RPGRIP1: variants seen among roughly 807,000 people sequenced by gnomAD.
The protein encoded by RPGRIP1 is RPGR interacting protein 1.
In RPGRIP1, 128 loss-of-function variants were observed where a neutral mutation model predicts 157.9. The ratio of observed to expected loss-of-function variants is 0.81; its 90% CI spans 0.70 to 0.94. The LOEUF is 0.94. Among genes scored for constraint, RPGRIP1 ranks in the 40% least tolerant of loss-of-function variants. The pLI is 0.00. For missense variants in RPGRIP1, 1,486 were observed against 1,545.8 expected (o/e 0.96, Z 0.65); for synonymous variants, 554 against 571.6 (o/e 0.97, Z 0.44).
chr14:21,314,848 A>G (rs907275050), intron 10 of RPGRIP1, among the ~76,000 whole-genome samples: 1 of 151,834 alleles, frequency 6.6e-6, no homozygotes, highest in Admixed American at 6.6e-5. Flanking sequence ...ATTGCAAAAC[A>G]CTGTCTCTAC....
intron 1 of RPGRIP1, among the ~76,000 whole-genome samples, chr14:21,284,638 G>A (rs558401682): frequency 2.8e-5 from 4 of 144,162 alleles, no homozygotes; most frequent in African/African-American, 1.0e-4. Flanking sequence ...TCCGCCTCCC[G>A]GGTTCAAACT....
intron 7 of RPGRIP1, among the ~76,000 whole-genome samples, chr14:21,308,232 T>C (rs1305908686): frequency 6.6e-6 from 1 of 152,218 alleles, no homozygotes; most frequent in African/African-American, 2.4e-5. Context: ...CTGTCCCAGA[T>C]ATTTACAGTC....
At chr14:21,334,077 C>T (rs141561944) in intron 20 of RPGRIP1, among the ~76,000 whole-genome samples, 1 of 152,066 alleles carries the variant, frequency 6.6e-6, no homozygotes, top group Non-Finnish European at 1.5e-5. Flanking sequence ...AGTGTGCCAC[C>T]AAGCCAGGCT....
At chr14:21,305,947 A>T (rs1881280827) in intron 6 of RPGRIP1, among the ~76,000 whole-genome samples, 4 of 152,004 alleles carry the variant, frequency 2.6e-5, no homozygotes, top group Admixed American at 2.6e-4. Context: ...TTTGGGGGGT[A>T]GAATTCAGGC....
At position 21,310,582 on chromosome 14, in the gene RPGRIP1, A is replaced by G. The variant is rs766243294; in HGVS notation, c.907-2A>G. ...AAAATAATAATAATTTCTTTCTTCCAGGCATACGAAACCTTGCTCCAGAAG... is the reference window on the plus strand; with the variant it reads ...AAAATAATAATAATTTCTTTCTTCCGGGCATACGAAACCTTGCTCCAGAAG... On this transcript the variant is annotated splice_acceptor_variant, in intron 7 of 24. Transcript: ENST00000400017. LOFTEE classifies it high-confidence loss of function. The G allele has an allele frequency of 1.4e-6, 2 of 1,406,854 alleles. No individual in the cohort carries two copies. Among genetic ancestry groups the G allele is most frequent in the South Asian group, 2.8e-5 (2 of 72,164 alleles). 87.1% of individuals were successfully genotyped at this position (1,406,854 alleles called of 1,614,324 possible). A position where few individuals can be genotyped will look rare whatever the true frequency, so the allele number is the denominator to read the frequency against.
chr14:21,343,526 T>C (rs892427003), intron 22 of RPGRIP1, among the ~76,000 whole-genome samples: 19 of 152,284 alleles, frequency 1.2e-4, no homozygotes, highest in African/African-American at 4.6e-4. Flanking sequence ...AGTCTCGCTC[T>C]GTTGCCCAGG....
intron 4 of RPGRIP1, 80 bp downstream of exon 4, chr14:21,301,317 T>G: frequency 7.0e-7 from 1 of 1,422,624 alleles, no homozygotes; most frequent in Non-Finnish European, 9.6e-7. Flanking sequence ...CCTCACTGCC[T>G]TCTTCTGCCC....
chr14:21,282,150 G>A (rs1032386401), intron 1 of RPGRIP1, among the ~76,000 whole-genome samples: 3 of 152,152 alleles, frequency 2.0e-5, no homozygotes, highest in Non-Finnish European at 2.9e-5. Context: ...GGCTTTATAC[G>A]TCTATCCATC....
At chr14:21,344,114 C>T (rs1343087492) in intron 22 of RPGRIP1, among the ~76,000 whole-genome samples, 2 of 151,940 alleles carry the variant, frequency 1.3e-5, no homozygotes, top group South Asian at 2.1e-4. Flanking sequence ...GCACTACACT[C>T]ATGTCCCTTT....
At chr14:21,292,753 G>T (rs1880586265) in intron 2 of RPGRIP1, among the ~76,000 whole-genome samples, 1 of 152,030 alleles carries the variant, frequency 6.6e-6, no homozygotes. Context: ...GAGACACAAG[G>T]ATTGCTTGAA....
At chr14:21,327,563 C>G (rs1458612940) in intron 17 of RPGRIP1, 60 bp from the exon 18 acceptor site, 1 of 1,430,778 alleles carries the variant, frequency 7.0e-7, no homozygotes, top group Non-Finnish European at 9.8e-7. Flanking sequence ...AAGGTGCTGA[C>G]AAATGCTCAC....
chr14:21,292,028 G>A (rs1044006984), intron 2 of RPGRIP1, among the ~76,000 whole-genome samples: 1 of 152,094 alleles, frequency 6.6e-6, no homozygotes, highest in Non-Finnish European at 1.5e-5. Flanking sequence ...AAAGTGCTGG[G>A]ATGACAGGCA....
At chr14:21,314,714 GAAAA>G (rs557139978) in intron 10 of RPGRIP1, among the ~76,000 whole-genome samples, 2 of 131,064 alleles carry the variant, frequency 1.5e-5, no homozygotes, top group African/African-American at 5.7e-5. Flanking sequence ...ACTCTGTCTC[GAAAA>G]AAAAAAAAAA....
chr14:21,293,064 T>C (rs1369631702), intron 2 of RPGRIP1, among the ~76,000 whole-genome samples: 2 of 150,590 alleles, frequency 1.3e-5, no homozygotes, highest in Non-Finnish European at 3.0e-5. Flanking sequence ...GAGAATTGCT[T>C]GAACCTGGGA....
In RPGRIP1 at chr14:21,301,677, A is replaced by AAATAATAAT. The variant is rs1232971998; in HGVS notation, c.490+479_490+487dup. On this transcript the variant is annotated intron_variant, in intron 4 of 24. Transcript: ENST00000400017. ...GGCGACAGAGCGAGACTCTGTCTCA[A>AAATAATAAT]AATAATAATAATAATAATAATAATA... Among the ~76,000 whole-genome samples, 89 of 127,574 alleles carry AAATAATAAT rather than the reference A, an allele frequency of 7.0e-4. 1 individual carries two copies. The highest frequency in any genetic ancestry group is 3.8e-3 in the Middle Eastern group (1 of 264). 83.7% of individuals were successfully genotyped at this position (127,574 alleles called of 152,430 possible). A position where few individuals can be genotyped will look rare whatever the true frequency, so the allele number is the denominator to read the frequency against.
rs866154508 is a variant in RPGRIP1, at chr14:21,351,143, T to G, written c.3788T>G (p.Leu1263Arg). 6.2e-7 allele frequency: 1 copy of G among 1,612,740 alleles called. No homozygotes were observed. Among genetic ancestry groups the G allele is most frequent in the African/African-American group, 1.3e-5 (1 of 74,924 alleles). The change falls in exon 25 of 25, where the codon CTG (leucine) becomes CGG (arginine). Residue 1263 changes from leucine to arginine, a missense_variant. Physicochemically the swap from Leu to Arg is moderately radical, Grantham distance 102. Coordinates refer to ENST00000400017, the MANE Select transcript of RPGRIP1 (RefSeq NM_020366.4). ...PEDLATPIGR[L>R]KVSLQAAAVL... ...GATCTGGCTACCCCAATAGGAAGGC[T>G]GAAGGTTTCCCTTCAAGCAGCTGCT...
In RPGRIP1 at chr14:21,351,094, T is replaced by C; in HGVS notation, c.3749-10T>C. ...ACTGAGTGATGCTGTTTTTTTCCCT[T>C]TCCCAACAGTTGTTAGCCCTGAAGA... On this transcript the variant is annotated splice_polypyrimidine_tract_variant and intron_variant, in intron 24 of 24. Coordinates refer to ENST00000400017, the MANE Select transcript of RPGRIP1 (RefSeq NM_020366.4). The C allele has an allele frequency of 6.4e-7, 1 of 1,563,678 alleles. No individual in the cohort carries two copies. The highest frequency in any genetic ancestry group is 1.1e-5 in the South Asian group (1 of 87,456).
At chr14:21,344,128 T>C (rs1039193955) in intron 22 of RPGRIP1, among the ~76,000 whole-genome samples, 1 of 151,972 alleles carries the variant, frequency 6.6e-6, no homozygotes, top group African/African-American at 2.4e-5. Flanking sequence ...TCCCTTTCCT[T>C]CCCATCGTAA....
chr14:21,303,377 A>G lies in RPGRIP1; in HGVS notation c.634A>G (p.Met212Val), dbSNP rs759245543. The change falls in exon 6 of 25, where the codon ATG becomes GTG. Residue 212 changes from methionine to valine, a missense_variant. Coordinates refer to ENST00000400017, the MANE Select transcript of RPGRIP1 (RefSeq NM_020366.4). ...AATTTCTTTCAGCAGTGTCATAAGT[A>G]TGGCTAAACCCATTGGTCTATGCAT... Reference protein sequence around the residue: ...SIISFSSVISMAKPIGLCMPN... With the variant: ...SIISFSSVISVAKPIGLCMPN... 10 of 1,613,856 alleles carry G rather than the reference A, an allele frequency of 6.2e-6. No individual in the cohort carries two copies. In the South Asian group the frequency reaches 1.1e-4, roughly 18 times the overall value.
Sources: gnomAD v4.1 joint callset for allele counts (sites outside exome capture counted in the v4.1 genomes callset) on GRCh38, gnomAD v4.1.1 for gene constraint, MANE v1.5 for transcripts, NCBI Gene and HGNC (gene_info 2026-07-23, HGNC 2026-07-21) for gene names.